IL1RAPL2: variants seen among roughly 807,000 people sequenced by gnomAD.
The protein encoded by IL1RAPL2 is X-linked interleukin-1 receptor accessory protein-like 2.
In IL1RAPL2, 3 loss-of-function variants were observed where a neutral mutation model predicts 44.1. The ratio of observed to expected loss-of-function variants is 0.07; its 90% confidence interval spans 0.03 to 0.18. The LOEUF (loss-of-function observed/expected upper bound fraction) is 0.18. Among genes scored for constraint, IL1RAPL2 ranks in the 10% least tolerant of loss-of-function variants. The pLI is 1.00. For missense variants in IL1RAPL2, 391 were observed against 496.4 expected, an observed-to-expected ratio of 0.79 and a Z score of 2.02; for synonymous variants, 181 against 178.8, an observed-to-expected ratio of 1.01 and a Z score of -0.10.
At chrX:105,292,125 G>T (rs1489434035) in intron 5 of IL1RAPL2, among the ~76,000 whole-genome samples, 1 of 111,359 alleles carries the variant, frequency 9.0e-6, no homozygotes, top group Non-Finnish European at 1.9e-5. Context: ...TGATATTGAG[G>T]TATCATAAAA....
Position 105,302,127 on chromosome X carries a change from C to A in IL1RAPL2, c.697+34586C>A, listed in dbSNP as rs192365813. ...CTCTGATGATCAGTGATGTTGAGTACCTCTTCATATGCTTCTTTGCCATTT... is the reference window on the plus strand; with the variant it reads ...CTCTGATGATCAGTGATGTTGAGTAACTCTTCATATGCTTCTTTGCCATTT... On this transcript the variant is annotated intron_variant, in intron 5 of 10. Transcript: ENST00000372582. Among the ~76,000 whole-genome samples, 4 of 111,922 alleles carry A rather than the reference C, an allele frequency of 3.6e-5. No homozygotes were observed. The East Asian group carries it at 1.1e-3, about 32-fold the overall frequency.
intron 6 of IL1RAPL2, among the ~76,000 whole-genome samples, chrX:105,541,268 C>T (rs1224388363): frequency 2.7e-5 from 3 of 110,456 alleles, no homozygotes; most frequent in Non-Finnish European, 5.7e-5. Context: ...AACAGAGGAG[C>T]GAGAAGTTAA....
At chrX:104,634,307 G>T (rs775534169) in intron 1 of IL1RAPL2, among the ~76,000 whole-genome samples, 10 of 111,810 alleles carry the variant, frequency 8.9e-5, no homozygotes, top group South Asian at 3.8e-4. Flanking sequence ...GTGCTGAAAA[G>T]AATGTATATT....
intron 2 of IL1RAPL2, among the ~76,000 whole-genome samples, chrX:104,840,491 G>A (rs1456803264): frequency 1.8e-5 from 2 of 111,267 alleles, no homozygotes; most frequent in East Asian, 2.8e-4. Context: ...CAATAATGTG[G>A]TCAGTTTTAC....
chrX:105,084,336 C>T (rs761244479), intron 2 of IL1RAPL2, among the ~76,000 whole-genome samples: 1 of 112,986 alleles, frequency 8.9e-6, no homozygotes, highest in East Asian at 2.8e-4. Context: ...CCTGTGAAAA[C>T]AGCTGGGGAC....
At chrX:104,942,906 G>A (rs1925226614) in intron 2 of IL1RAPL2, among the ~76,000 whole-genome samples, 1 of 111,410 alleles carries the variant, frequency 9.0e-6, no homozygotes, top group South Asian at 3.8e-4. Context: ...TAGCATGAAG[G>A]GTGTTGAATT....
intron 3 of IL1RAPL2, among the ~76,000 whole-genome samples, chrX:105,233,066 G>C (rs1049739993): frequency 8.9e-6 from 1 of 111,803 alleles, no homozygotes; most frequent in African/African-American, 3.2e-5. Flanking sequence ...GGCGGATCAC[G>C]AGGTCAGCAG....
chrX:105,647,025 G>A (rs766927114), intron 6 of IL1RAPL2, among the ~76,000 whole-genome samples: 94 of 112,509 alleles, frequency 8.4e-4, no homozygotes, highest in Middle Eastern at 9.2e-3. Flanking sequence ...GCCATGCGGT[G>A]AGTGTTATAG....
chrX:105,189,176 CA>C (rs2033614202), intron 2 of IL1RAPL2, among the ~76,000 whole-genome samples: 1 of 112,638 alleles, frequency 8.9e-6, no homozygotes, highest in African/African-American at 3.2e-5. Flanking sequence ...AAAATAAACA[CA>C]ACTATATTTC....
At chrX:105,337,657 T>C (rs1241076394) in intron 5 of IL1RAPL2, among the ~76,000 whole-genome samples, 1 of 111,620 alleles carries the variant, frequency 9.0e-6, no homozygotes, top group Non-Finnish European at 1.9e-5. Flanking sequence ...TTTGGGAGGC[T>C]GAGGCGGGCG....
At chrX:105,411,972 C>T (rs2035699356) in intron 5 of IL1RAPL2, among the ~76,000 whole-genome samples, 1 of 111,280 alleles carries the variant, frequency 9.0e-6, no homozygotes, top group South Asian at 3.7e-4. Context: ...TATCAAAATG[C>T]TATAAAACTA....
chrX:105,389,073 T>A, intron 5 of IL1RAPL2, among the ~76,000 whole-genome samples: 1 of 112,168 alleles, frequency 8.9e-6, no homozygotes, highest in Non-Finnish European at 1.9e-5. Context: ...TAGAAGATTA[T>A]TTTGTGTCTT....
chrX:104,859,890 A>T (rs373968531), intron 2 of IL1RAPL2, among the ~76,000 whole-genome samples: 1 of 111,899 alleles, frequency 8.9e-6, no homozygotes, highest in South Asian at 3.7e-4. Context: ...ATAGAGTTCA[A>T]TTTTACAGTC....
intron 1 of IL1RAPL2, among the ~76,000 whole-genome samples, chrX:104,621,309 A>G (rs1395230378): frequency 9.2e-6 from 1 of 108,348 alleles, no homozygotes; most frequent in South Asian, 4.0e-4. Flanking sequence ...GTGTGCATAT[A>G]TATAATATTA....
chrX:104,836,472 C>T (rs1921744241), intron 2 of IL1RAPL2, among the ~76,000 whole-genome samples: 1 of 110,156 alleles, frequency 9.1e-6, no homozygotes, highest in South Asian at 3.9e-4. Context: ...ACCCCATTTA[C>T]CCTGATGTTA....
At chrX:105,069,093 T>C (rs2147536869) in intron 2 of IL1RAPL2, among the ~76,000 whole-genome samples, 1 of 111,130 alleles carries the variant, frequency 9.0e-6, no homozygotes, top group South Asian at 3.8e-4. Context: ...AAGATAGGGG[T>C]GGTGGTTAGG....
At chrX:104,911,795 A>G (rs1336109377) in intron 2 of IL1RAPL2, among the ~76,000 whole-genome samples, 1 of 112,041 alleles carries the variant, frequency 8.9e-6, no homozygotes, top group African/African-American at 3.2e-5. Context: ...ACTGCACTGT[A>G]GACATACTGA....
chrX:104,662,035 G>A (rs1327453362), intron 2 of IL1RAPL2, among the ~76,000 whole-genome samples: 1 of 112,312 alleles, frequency 8.9e-6, no homozygotes, highest in Non-Finnish European at 1.9e-5. Context: ...TTATGCACAA[G>A]ACAGAGAGAG....
chrX:105,480,009 A>G (rs1434587976), intron 5 of IL1RAPL2, among the ~76,000 whole-genome samples: 1 of 111,457 alleles, frequency 9.0e-6, no homozygotes, highest in Non-Finnish European at 1.9e-5. Context: ...TGACCATAAC[A>G]TACAAATTCC....
Sources: gnomAD v4.1 joint callset for allele counts (sites outside exome capture counted in the v4.1 genomes callset) on GRCh38, gnomAD v4.1.1 for gene constraint, MANE v1.5 for transcripts, NCBI Gene and HGNC (gene_info 2026-07-23, HGNC 2026-07-21) for gene names.